Variants in INSR observed in about 807,000 individuals in gnomAD.
INSR encodes the protein IR.
In INSR, 67 loss-of-function variants were observed where a neutral mutation model predicts 142.6. The ratio of observed to expected loss-of-function variants is 0.47; its 90% CI spans 0.39 to 0.58. The LOEUF (loss-of-function observed/expected upper bound fraction) is 0.58, where lower values mean the gene tolerates loss of function less well. Ranked by LOEUF, INSR falls within the 20% of genes least tolerant of loss-of-function variation. The pLI, the probability that INSR is intolerant of heterozygous loss-of-function variation, is 0.00. For synonymous variants in INSR, 756 were observed against 743.1 expected, an observed-to-expected ratio of 1.02 and a Z score of -0.28; for missense variants, 1,248 against 1,833.2, an observed-to-expected ratio of 0.68 and a Z score of 5.83.
intron 2 of INSR, among the ~76,000 whole-genome samples, chr19:7,254,720 A>C (rs566796059): frequency 1.3e-5 from 2 of 152,294 alleles, no homozygotes; most frequent in East Asian, 3.9e-4. Flanking sequence ...TGCCAGCCTG[A>C]CGCACAGGCG....
chr19:7,245,524 A>G (rs927645748), intron 2 of INSR, among the ~76,000 whole-genome samples: 2 of 151,936 alleles, frequency 1.3e-5, no homozygotes, highest in African/African-American at 4.8e-5. Flanking sequence ...ATCTCGGCTC[A>G]TTGAACCTCC....
chr19:7,198,359 G>A (rs1974852236), intron 2 of INSR, among the ~76,000 whole-genome samples: 3 of 152,184 alleles, frequency 2.0e-5, no homozygotes, highest in East Asian at 3.9e-4. Context: ...GCCCTGGGAG[G>A]GCCCCTCGTG....
intron 2 of INSR, among the ~76,000 whole-genome samples, chr19:7,195,021 G>A (rs961547938): frequency 6.6e-6 from 1 of 151,902 alleles, no homozygotes. Context: ...TCAGCCCCCA[G>A]CAGCATCCCC....
chr19:7,273,912 G>T (rs1967991389), intron 1 of INSR, among the ~76,000 whole-genome samples: 1 of 152,130 alleles, frequency 6.6e-6, no homozygotes, highest in Admixed American at 6.6e-5. Context: ...AGAATCGCTT[G>T]AACCCAGGAG....
chr19:7,267,948 A>G lies in INSR; in HGVS notation c.101-52T>C. 6.8e-7 allele frequency: 1 copy of G among 1,468,780 alleles called. No homozygotes were observed. The highest frequency in any genetic ancestry group is 9.4e-7 in the Non-Finnish European group (1 of 1,059,498). 91.0% of individuals were successfully genotyped at this position (1,468,780 alleles called of 1,614,324 possible). On this transcript the variant is annotated intron_variant, in intron 1 of 21. Coordinates refer to ENST00000302850, the MANE Select transcript of INSR (RefSeq NM_000208.4). The surrounding 1 kb of genome is among the most constrained non-coding windows in gnomAD (Gnocchi z 6.3). The stretch of plus-strand genomic sequence containing the variant: ...AGACAGGTGAGCAGACGCACGGTGG[A>G]TGCATCAGAAGGATCAGGGGCAGAG...
At position 7,125,463 on chromosome 19, in the gene INSR, A is replaced by C. The variant is rs1310700797; in HGVS notation, c.3078T>G (p.Leu1026=). 1.1e-5 allele frequency: 17 copies of C among 1,613,974 alleles called. No homozygotes were observed. Among genetic ancestry groups the C allele is most frequent in the Non-Finnish European group, 1.4e-5 (17 of 1,180,026 alleles). ...WEVSREKITL[L]RELGQGSFGM... ...CGAAGGAGCCCTGCCCCAGCTCTCG[A>C]AGGAGGGTGATCTTCTCTCGAGACA... Residue 1026 remains leucine, a synonymous_variant, in exon 17 of 22, where the codon CTT becomes CTG. Coordinates refer to ENST00000302850, the MANE Select transcript of INSR (RefSeq NM_000208.4). This position sits in a 1 kb window ranked among gnomAD's most constrained non-coding sequence, Gnocchi z 4.9.
intron 2 of INSR, among the ~76,000 whole-genome samples, chr19:7,246,772 G>A (rs1002662119): frequency 2.6e-5 from 4 of 152,002 alleles, no homozygotes; most frequent in African/African-American, 9.6e-5. Context: ...CAAGTTCTAA[G>A]TTCTATGTTT....
chr19:7,144,670 C>G (rs1973147238), intron 11 of INSR, among the ~76,000 whole-genome samples: 1 of 151,306 alleles, frequency 6.6e-6, no homozygotes, highest in African/African-American at 2.4e-5. Flanking sequence ...TCCCAAAGTG[C>G]CAGGATTACA....
intron 2 of INSR, among the ~76,000 whole-genome samples, chr19:7,199,585 G>A (rs1156288960): frequency 7.3e-5 from 2 of 27,342 alleles, no homozygotes; most frequent in African/African-American, 2.3e-4. Flanking sequence ...TTTTTTTTGA[G>A]AGCGGGTCTC....
At chr19:7,289,661 C>T (rs1419246277) in intron 1 of INSR, among the ~76,000 whole-genome samples, 3 of 152,102 alleles carry the variant, frequency 2.0e-5, no homozygotes, top group Non-Finnish European at 2.9e-5. Flanking sequence ...CCACCTCAGC[C>T]TCCCAAGGTG....
At chr19:7,193,124 T>C (rs992469935) in intron 2 of INSR, among the ~76,000 whole-genome samples, 6 of 150,548 alleles carry the variant, frequency 4.0e-5, no homozygotes, top group Admixed American at 2.0e-4. Flanking sequence ...TTTTTCTTTT[T>C]TTTTTTTTCC....
chr19:7,124,682 C>T (rs1268400788), intron 17 of INSR, among the ~76,000 whole-genome samples: 1 of 129,460 alleles, frequency 7.7e-6, no homozygotes, highest in East Asian at 2.4e-4. Context: ...TCTCCGCCTG[C>T]TGTTTTGGAA....
intron 2 of INSR, among the ~76,000 whole-genome samples, chr19:7,208,733 C>T (rs73000135): frequency 0.35 from 52,831 of 151,886 alleles, 10,153 homozygotes; most frequent in East Asian, 0.44. Context: ...AGGCTGGGCG[C>T]AGTGGCTCAC....
At chr19:7,284,757 T>C (rs963446861) in intron 1 of INSR, among the ~76,000 whole-genome samples, 1 of 152,130 alleles carries the variant, frequency 6.6e-6, no homozygotes, top group Non-Finnish European at 1.5e-5. Context: ...CTCGATCTCC[T>C]GACCTCGTGA....
intron 2 of INSR, among the ~76,000 whole-genome samples, chr19:7,233,408 G>GT (rs1568207193): frequency 1.3e-5 from 2 of 152,152 alleles, no homozygotes; most frequent in African/African-American, 4.8e-5. Context: ...CCAAACCATC[G>GT]TACTATGCTG....
At chr19:7,235,971 CTTT>C (rs34478636) in intron 2 of INSR, among the ~76,000 whole-genome samples, 13 of 129,846 alleles carry the variant, frequency 1.0e-4, no homozygotes, top group Non-Finnish European at 1.1e-4. Flanking sequence ...CTGGCCTTTC[CTTT>C]TTTTTTTTTT....
Position 7,114,721 on chromosome 19 carries a change from A to G in INSR, c.*2335T>C, listed in dbSNP as rs1378632834. ...ATTCACCTGTTTATTTTTCTTTGATAAAAATTTACATGCGCTCCATTTTTT... is the reference window on the plus strand; with the variant it reads ...ATTCACCTGTTTATTTTTCTTTGATGAAAATTTACATGCGCTCCATTTTTT... On this transcript the variant is annotated 3_prime_UTR_variant, in exon 22 of 22. Transcript: ENST00000302850. 6.6e-6 allele frequency: 1 copy of G among 152,630 alleles called. No individual in the cohort carries two copies. The highest frequency in any genetic ancestry group is 1.5e-5 in the Non-Finnish European group (1 of 68,026). The allele number at this position is 152,630 out of a possible 1,614,324, so 9.5% of individuals were successfully genotyped here. A position where few individuals can be genotyped will look rare whatever the true frequency, so the allele number is the denominator to read the frequency against.
intron 1 of INSR, among the ~76,000 whole-genome samples, chr19:7,280,425 A>G (rs1307452519): frequency 6.6e-6 from 1 of 151,906 alleles, no homozygotes; most frequent in Non-Finnish European, 1.5e-5. Flanking sequence ...AAAAATATAA[A>G]AAATTAGCCA....
intron 2 of INSR, among the ~76,000 whole-genome samples, chr19:7,189,862 G>C (rs1221917042): frequency 2.0e-5 from 3 of 151,830 alleles, no homozygotes; most frequent in Non-Finnish European, 4.4e-5. Flanking sequence ...CTGGGTTTCA[G>C]CATGTTGGCC....
Sources: gnomAD v4.1 joint callset for allele counts (sites outside exome capture counted in the v4.1 genomes callset) on GRCh38, gnomAD v4.1.1 for gene constraint, Gnocchi (gnomAD v3.1) non-coding constraint, MANE v1.5 for transcripts, NCBI Gene and HGNC (gene_info 2026-07-23, HGNC 2026-07-21) for gene names.